Variants in EFCAB5 observed in about 807,000 individuals in gnomAD.
EFCAB5 encodes the protein EF-hand calcium binding domain 5.
A neutral mutation model predicts 167.9 loss-of-function variants in EFCAB5; 131 were observed. The ratio of observed to expected loss-of-function variants is 0.78; its 90% CI spans 0.68 to 0.90. The LOEUF is 0.90. Ranked by LOEUF, EFCAB5 falls within the 40% of genes least tolerant of loss-of-function variation. EFCAB5 has a pLI of 0.00. For missense variants in EFCAB5, 1,663 were observed against 1,745.2 expected (o/e 0.95, Z 0.84); for synonymous variants, 574 against 602.8 (o/e 0.95, Z 0.70).
intron 18 of EFCAB5, among the ~76,000 whole-genome samples, chr17:30,085,643 G>A (rs1227451957): frequency 2.0e-5 from 3 of 151,614 alleles, no homozygotes; most frequent in African/African-American, 4.9e-5. Flanking sequence ...GCGTGAACCC[G>A]GAAGAGGCAG....
chr17:29,979,880 A>C (rs1030097203), intron 4 of EFCAB5, among the ~76,000 whole-genome samples: 1 of 152,156 alleles, frequency 6.6e-6, no homozygotes, highest in Non-Finnish European at 1.5e-5. Context: ...AATAACTTAA[A>C]CTTACTAGCC....
chr17:30,015,325 C>G (rs1597671009), intron 7 of EFCAB5, among the ~76,000 whole-genome samples: 1 of 152,110 alleles, frequency 6.6e-6, no homozygotes, highest in East Asian at 1.9e-4. Context: ...TCTGTATTTC[C>G]TGAATTTGAA....
At chr17:30,015,641 A>G (rs1025834607) in intron 7 of EFCAB5, among the ~76,000 whole-genome samples, 1 of 151,902 alleles carries the variant, frequency 6.6e-6, no homozygotes, top group Non-Finnish European at 1.5e-5. Flanking sequence ...GTTTTTTATT[A>G]TAGCCATCTT....
chr17:29,932,453 T>TA, intron 1 of EFCAB5, among the ~76,000 whole-genome samples: 1 of 135,778 alleles, frequency 7.4e-6, no homozygotes, highest in East Asian at 2.2e-4. Flanking sequence ...GCCCGGCTTT[T>TA]TTTTTTTTTT....
intron 4 of EFCAB5, among the ~76,000 whole-genome samples, chr17:29,972,066 C>G (rs1180506211): frequency 6.6e-6 from 1 of 151,480 alleles, no homozygotes; most frequent in African/African-American, 2.4e-5. Flanking sequence ...TAAATGGAGT[C>G]TCGCTCTGTC....
intron 14 of EFCAB5, among the ~76,000 whole-genome samples, chr17:30,072,115 T>C (rs888036065): frequency 6.6e-6 from 1 of 152,180 alleles, no homozygotes; most frequent in Admixed American, 6.5e-5. Flanking sequence ...CAGCAATTGG[T>C]TGTATATTTT....
intron 7 of EFCAB5, among the ~76,000 whole-genome samples, chr17:30,013,898 G>T (rs1200920179): frequency 1.3e-5 from 2 of 152,148 alleles, no homozygotes; most frequent in African/African-American, 4.8e-5. Context: ...TGATGTTAGG[G>T]TGTCGATTTT....
chr17:30,081,924 C>T (rs968551509), intron 17 of EFCAB5, among the ~76,000 whole-genome samples: 1 of 152,130 alleles, frequency 6.6e-6, no homozygotes, highest in Non-Finnish European at 1.5e-5. Flanking sequence ...CACTCTAGCC[C>T]TTAGAGGTAA....
chr17:30,066,085 A>G (rs1456834613), intron 14 of EFCAB5, among the ~76,000 whole-genome samples: 3 of 152,340 alleles, frequency 2.0e-5, no homozygotes, highest in East Asian at 3.9e-4. Context: ...TTTAAACTAA[A>G]CATTAGACCA....
intron 17 of EFCAB5, among the ~76,000 whole-genome samples, chr17:30,082,387 C>T (rs992715458): frequency 7.0e-6 from 1 of 141,916 alleles, no homozygotes; most frequent in African/African-American, 2.6e-5. Flanking sequence ...TCTCTTTATA[C>T]CTCTTTTTTT....
At chr17:30,038,999 G>A (rs2069697685) in intron 8 of EFCAB5, among the ~76,000 whole-genome samples, 1 of 152,106 alleles carries the variant, frequency 6.6e-6, no homozygotes, top group Non-Finnish European at 1.5e-5. Context: ...CAGCAATGCA[G>A]AAAGAAACCA....
chr17:30,043,615 C>T (rs1052400248), intron 8 of EFCAB5, among the ~76,000 whole-genome samples: 2 of 152,134 alleles, frequency 1.3e-5, no homozygotes, highest in Non-Finnish European at 1.5e-5. Context: ...TTTGTAAATG[C>T]CATTTACAAT....
intron 22 of EFCAB5, among the ~76,000 whole-genome samples, chr17:30,100,505 C>T (rs532620047): frequency 1.9e-4 from 29 of 152,262 alleles, no homozygotes; most frequent in African/African-American, 5.5e-4. Context: ...TGGTGGCTCA[C>T]GCCTGTAATC....
chr17:29,973,982 A>C (rs2068013103), intron 4 of EFCAB5, among the ~76,000 whole-genome samples: 1 of 150,772 alleles, frequency 6.6e-6, no homozygotes, highest in African/African-American at 2.4e-5. Flanking sequence ...ACATGGTGAA[A>C]CCCTGTCTTA....
At chr17:30,018,819 C>T (rs2069108771) in intron 7 of EFCAB5, among the ~76,000 whole-genome samples, 4 of 152,024 alleles carry the variant, frequency 2.6e-5, no homozygotes, top group African/African-American at 7.2e-5. Flanking sequence ...AAAGCAATGG[C>T]GAGGAACTTT....
At chr17:30,062,740 G>A (rs543247279) in intron 14 of EFCAB5, among the ~76,000 whole-genome samples, 1 of 152,260 alleles carries the variant, frequency 6.6e-6, no homozygotes, top group East Asian at 1.9e-4. Flanking sequence ...AAGTGGAGCT[G>A]CAAGCACTCT....
rs118049946 is a variant in EFCAB5, at chr17:30,030,293, T to C, written c.1045-3937T>C. Reference sequence around the variant, plus strand: ...GAATATTTTTTTTTTCCATCAGAACTTTCAGGGATGAAAAATCCAGAAGTG... The same window carrying C: ...GAATATTTTTTTTTTCCATCAGAACCTTCAGGGATGAAAAATCCAGAAGTG... On this transcript the variant is annotated intron_variant, in intron 7 of 22. Transcript: ENST00000394835. Among the ~76,000 whole-genome samples, 1,327 of 152,312 alleles carry C rather than the reference T, an allele frequency of 8.7e-3. 14 individuals carry two copies. Among genetic ancestry groups the C allele is most frequent in the Admixed American group, 0.031 (478 of 15,286 alleles).
intron 6 of EFCAB5, among the ~76,000 whole-genome samples, chr17:29,998,944 G>C (rs1792998200): frequency 6.6e-6 from 1 of 152,094 alleles, no homozygotes; most frequent in Non-Finnish European, 1.5e-5. Context: ...CATCATTACT[G>C]ATCACTCTAA....
chr17:30,021,628 A>G (rs990066037), intron 7 of EFCAB5, among the ~76,000 whole-genome samples: 2 of 151,938 alleles, frequency 1.3e-5, no homozygotes, highest in Non-Finnish European at 2.9e-5. Context: ...CAAACAGCAC[A>G]CAATCAGACA....
Sources: allele counts gnomAD v4.1 joint callset (sites outside exome capture counted in the v4.1 genomes callset), GRCh38; gene constraint gnomAD v4.1.1; transcripts MANE v1.5; gene names NCBI Gene and HGNC (gene_info 2026-07-23, HGNC 2026-07-21).